ANK2: variants seen among roughly 807,000 people sequenced by gnomAD.
ANK2 encodes the protein ankyrin-2.
A neutral mutation model predicts 360.5 loss-of-function variants in ANK2; 83 were observed. The observed-to-expected ratio is 0.23, with a 90% CI of 0.19 to 0.28. The LOEUF is 0.28. Ranked by LOEUF, ANK2 falls within the 10% of genes least tolerant of loss-of-function variation. ANK2 has a pLI of 1.00. For missense variants in ANK2, 4,201 were observed against 4,795.7 expected (o/e 0.88, Z 3.66); for synonymous variants, 1,740 against 1,759.5 (o/e 0.99, Z 0.28).
the ANK2 span, among the ~76,000 whole-genome samples, chr4:112,715,897 T>G: frequency 7.2e-5 from 11 of 152,140 alleles, no homozygotes; most frequent in African/African-American, 2.7e-4. Context: ...CACTACAGCC[T>G]GGGCAACAAA....
At chr4:113,212,260 CA>C (rs1253118683) in intron 4 of ANK2, among the ~76,000 whole-genome samples, 7 of 152,004 alleles carry the variant, frequency 4.6e-5, no homozygotes, top group Admixed American at 1.3e-4. Context: ...ATATTTGGTG[CA>C]ATTACTAATA....
At chr4:113,019,891 A>G (rs2057609325) in intron 2 of ANK2, among the ~76,000 whole-genome samples, 1 of 151,556 alleles carries the variant, frequency 6.6e-6, no homozygotes. Flanking sequence ...CTAGGAAGGG[A>G]TTACCTATTA....
At chr4:112,724,610 T>G in the ANK2 span, among the ~76,000 whole-genome samples, 1 of 149,264 alleles carries the variant, frequency 6.7e-6, no homozygotes, top group African/African-American at 2.5e-5. Flanking sequence ...CCATACCCAT[T>G]AGAATGGCTA....
chr4:113,314,531 T>C lies in ANK2; in HGVS notation c.2693+3132T>C, dbSNP rs542997578. 7.2e-5 allele frequency among the ~76,000 whole-genome samples: 11 copies of C among 152,312 alleles called. No individual in the cohort carries two copies. The South Asian group carries it at 2.3e-3, about 32-fold the overall frequency. On this transcript the variant is annotated intron_variant, in intron 24 of 45. Transcript: ENST00000357077. The stretch of plus-strand genomic sequence containing the variant: ...TTACACTTCTATGGCTATGTTATTA[T>C]ACATTTATTAACTGAATAGCAGAAC...
At chr4:112,873,759 T>C (rs1208125051) in intron 1 of ANK2, among the ~76,000 whole-genome samples, 2 of 151,682 alleles carry the variant, frequency 1.3e-5, no homozygotes, top group South Asian at 2.1e-4. Flanking sequence ...TTAGCCAGGA[T>C]GGTCTTGATC....
chr4:113,278,625 G>T, intron 17 of ANK2, 67 bp downstream of exon 17: 1 of 1,498,782 alleles, frequency 6.7e-7, no homozygotes, highest in Non-Finnish European at 9.3e-7. Flanking sequence ...CATGAGAATT[G>T]TCTTTTAAAC....
chr4:113,001,710 C>T (rs2050749559), intron 2 of ANK2, among the ~76,000 whole-genome samples: 1 of 152,230 alleles, frequency 6.6e-6, no homozygotes, highest in South Asian at 2.1e-4. Context: ...CAAGGATTCC[C>T]TTCTATATGA....
At chr4:113,195,144 C>T (rs1438716721) in intron 2 of ANK2, among the ~76,000 whole-genome samples, 1 of 152,028 alleles carries the variant, frequency 6.6e-6, no homozygotes, top group African/African-American at 2.4e-5. Context: ...TGTCTTTTGC[C>T]TCTAAATTTG....
the ANK2 span, among the ~76,000 whole-genome samples, chr4:112,715,903 A>G: frequency 2.0e-5 from 3 of 152,236 alleles, no homozygotes; most frequent in African/African-American, 7.2e-5. Flanking sequence ...AGCCTGGGCA[A>G]CAAAGCGAGA....
At chr4:112,828,591 A>G (rs1403833054) in intron 1 of ANK2, among the ~76,000 whole-genome samples, 1 of 152,210 alleles carries the variant, frequency 6.6e-6, no homozygotes, top group Non-Finnish European at 1.5e-5. Flanking sequence ...AACACATAGG[A>G]AGTACAATTC....
In ANK2 at chr4:112,919,568, C is replaced by T. The variant is rs541036493; in HGVS notation, c.21+15054C>T. On this transcript the variant is annotated intron_variant, in intron 2 of 30. Coordinates refer to the ANK2 transcript ENST00000503271. ...TATTAACAGTGCGAGATACATAGAA[C>T]TTTCAATATTCTCTTTATTTTTCAT... 4.6e-5 allele frequency among the ~76,000 whole-genome samples: 7 copies of T among 152,108 alleles called. No individual in the cohort carries two copies. The South Asian group carries it at 1.4e-3, about 31-fold the overall frequency.
chr4:112,912,210 T>C (rs2087850682), intron 2 of ANK2, among the ~76,000 whole-genome samples: 1 of 151,500 alleles, frequency 6.6e-6, no homozygotes, highest in Non-Finnish European at 1.5e-5. Flanking sequence ...TGTGGCACTT[T>C]AGGGACGGCA....
chr4:113,358,724 A>AGAAGAC lies in ANK2; in HGVS notation c.10107_10112dup (p.Lys3370_Thr3371dup). ...CTCTCAGATCTAGACACCTCTGTCCAGAAGACAGTGGCTCCTCAGGGACAG... is the reference window on the plus strand; with the variant it reads ...CTCTCAGATCTAGACACCTCTGTCCAGAAGACGAAGACAGTGGCTCCTCAGGGACAG... On this transcript the variant is annotated inframe_insertion, in exon 38 of 46. Coordinates refer to ENST00000357077, the MANE Select transcript of ANK2 (RefSeq NM_001148.6). 2 of 1,614,134 alleles carry AGAAGAC rather than the reference A, an allele frequency of 1.2e-6. No homozygotes were observed. The highest frequency in any genetic ancestry group is 8.5e-7 in the Non-Finnish European group (1 of 1,179,966).
At chr4:112,808,542 G>A in the ANK2 span, among the ~76,000 whole-genome samples, 1 of 152,192 alleles carries the variant, frequency 6.6e-6, no homozygotes, top group Non-Finnish European at 1.5e-5. Flanking sequence ...TTAGTTGTCA[G>A]TATTGTAGGG....
chr4:112,942,258 C>T (rs547866880), intron 2 of ANK2, among the ~76,000 whole-genome samples: 65 of 152,156 alleles, frequency 4.3e-4, no homozygotes, highest in Non-Finnish European at 8.2e-4. Context: ...GTTGTCTTTT[C>T]CAGTAAGCTG....
chr4:112,948,817 T>C (rs1434002754), intron 2 of ANK2, among the ~76,000 whole-genome samples: 1 of 152,202 alleles, frequency 6.6e-6, no homozygotes, highest in East Asian at 1.9e-4. Context: ...CATATTCTCC[T>C]TGTTTTTAGA....
chr4:113,271,333 T>G (rs2058414110), intron 14 of ANK2, among the ~76,000 whole-genome samples: 1 of 152,164 alleles, frequency 6.6e-6, no homozygotes, highest in African/African-American at 2.4e-5. Flanking sequence ...TAGAACCACA[T>G]GGAATATGGG....
intron 2 of ANK2, among the ~76,000 whole-genome samples, chr4:112,996,053 G>C (rs1012197081): frequency 6.6e-6 from 1 of 152,134 alleles, no homozygotes; most frequent in Non-Finnish European, 1.5e-5. Flanking sequence ...ATTTATAATA[G>C]CTCCAAATCG....
At chr4:113,148,863 G>C (rs2096931788) in intron 1 of ANK2, among the ~76,000 whole-genome samples, 1 of 152,148 alleles carries the variant, frequency 6.6e-6, no homozygotes, top group Non-Finnish European at 1.5e-5. Flanking sequence ...ATGGCAATGA[G>C]GTATGAGAAG....
Sources: allele counts gnomAD v4.1 joint callset (sites outside exome capture counted in the v4.1 genomes callset), GRCh38; gene constraint gnomAD v4.1.1; transcripts MANE v1.5; gene names NCBI Gene and HGNC (gene_info 2026-07-23, HGNC 2026-07-21).